Variants in ZMAT3 observed in about 807,000 individuals in gnomAD.
The protein encoded by ZMAT3 is zinc finger matrin-type protein 3.
In ZMAT3, 17 loss-of-function variants were observed where a neutral mutation model predicts 32.3. The ratio of observed to expected loss-of-function variants is 0.53; its 90% CI spans 0.36 to 0.79. The LOEUF (loss-of-function observed/expected upper bound fraction) is 0.79. Ranked by LOEUF, ZMAT3 falls within the 30% of genes least tolerant of loss-of-function variation. ZMAT3 has a pLI of 0.00. For synonymous variants in ZMAT3, 120 were observed against 133.1 expected, an observed-to-expected ratio of 0.90 and a Z score of 0.68; for missense variants, 329 against 359.7, an observed-to-expected ratio of 0.91 and a Z score of 0.69.
intron 2 of ZMAT3, among the ~76,000 whole-genome samples, chr3:179,062,596 A>G (rs1721205341): frequency 6.6e-6 from 1 of 152,234 alleles, no homozygotes; most frequent in African/African-American, 2.4e-5. Flanking sequence ...AAGAGCTAGA[A>G]AAGCCTACAG....
rs1718457278 is a variant in ZMAT3 at position 179,019,867 on chromosome 3, A to AT, written c.*5149dup. 6.6e-6 allele frequency: 1 copy of AT among 152,176 alleles called. No homozygotes were observed. The highest frequency in any genetic ancestry group is 1.5e-5 in the Non-Finnish European group (1 of 68,018). 9.4% of individuals were successfully genotyped at this position (152,176 alleles called of 1,614,324 possible). On this transcript the variant is annotated 3_prime_UTR_variant, in exon 6 of 6. Transcript: ENST00000311417. ...GACAAGTTTGAAAATGACCACTAGA[A>AT]TAAAGAATTTTTCCAAACATCAGTG...
At chr3:179,041,798 GT>G (rs201275449) in intron 2 of ZMAT3, among the ~76,000 whole-genome samples, 31 of 151,844 alleles carry the variant, frequency 2.0e-4, no homozygotes, top group African/African-American at 7.2e-4. Flanking sequence ...TCCAGGAGCT[GT>G]TTTTTTTAAA....
Position 179,017,357 on chromosome 3 carries a change from A to G in ZMAT3, c.*7660T>C, listed in dbSNP as rs1176828362. On this transcript the variant is annotated 3_prime_UTR_variant, in exon 6 of 6. Coordinates refer to ENST00000311417, the MANE Select transcript of ZMAT3 (RefSeq NM_022470.4). ...AAAATGAGCCATCAACAAAAGCAGT[A>G]TAAATTTTAAATAAGTTTCAGATTT... 1 of 152,194 alleles carries G rather than the reference A, an allele frequency of 6.6e-6. No individual in the cohort carries two copies. The highest frequency in any genetic ancestry group is 1.5e-5 in the Non-Finnish European group (1 of 68,032). The allele number at this position is 152,194 out of a possible 1,614,324, so 9.4% of individuals were successfully genotyped here. A position where few individuals can be genotyped will look rare whatever the true frequency, so the allele number is the denominator to read the frequency against.
At chr3:179,056,404 G>C (rs1241560657) in intron 2 of ZMAT3, among the ~76,000 whole-genome samples, 1 of 152,054 alleles carries the variant, frequency 6.6e-6, no homozygotes, top group Non-Finnish European at 1.5e-5. Flanking sequence ...GGAAAAGCTG[G>C]GCAAATCAAA....
At chr3:179,049,449 C>A (rs932576839) in intron 2 of ZMAT3, among the ~76,000 whole-genome samples, 1 of 152,026 alleles carries the variant, frequency 6.6e-6, no homozygotes, top group Non-Finnish European at 1.5e-5. Context: ...TTAAGAAAAT[C>A]GAACTTATAG....
At chr3:179,069,366 G>A (rs995939873) in intron 1 of ZMAT3, among the ~76,000 whole-genome samples, 1 of 151,830 alleles carries the variant, frequency 6.6e-6, no homozygotes, top group Non-Finnish European at 1.5e-5. Flanking sequence ...GTCTAACCCT[G>A]AGTGTCTCAA....
intron 2 of ZMAT3, among the ~76,000 whole-genome samples, chr3:179,039,231 C>G (rs1186656779): frequency 6.6e-6 from 1 of 152,198 alleles, no homozygotes; most frequent in African/African-American, 2.4e-5. Flanking sequence ...GGTGTTTGAG[C>G]TCTGAGAATG....
Position 179,023,844 on chromosome 3 carries a change from C to T in ZMAT3, c.*1173G>A, listed in dbSNP as rs1718700895. 6.9e-6 allele frequency: 1 copy of T among 145,862 alleles called. No individual in the cohort carries two copies. 9.0% of individuals were successfully genotyped at this position (145,862 alleles called of 1,614,324 possible). On this transcript the variant is annotated 3_prime_UTR_variant, in exon 6 of 6. Coordinates refer to ENST00000311417, the MANE Select transcript of ZMAT3 (RefSeq NM_022470.4). The stretch of plus-strand genomic sequence containing the variant: ...CACGCCATTCTCCTGCCTCAGCCTC[C>T]AGAGTAGCTGGGACTACAGGCACCC...
chr3:179,025,215 GAAGT>G lies in ZMAT3; in HGVS notation c.668_671del (p.Tyr223SerfsTer42). 1.2e-6 allele frequency: 2 copies of G among 1,613,692 alleles called. No homozygotes were observed. The highest frequency in any genetic ancestry group is 1.7e-6 in the Non-Finnish European group (2 of 1,179,736). ...GAATTCTCTGCCGAGAGCGGGGATT[GAAGT>G]AAGGACCTGCTAAAGCAAGAGATAA... On this transcript the variant is annotated frameshift_variant, in exon 6 of 6. Coordinates refer to ENST00000311417, the MANE Select transcript of ZMAT3 (RefSeq NM_022470.4). LOFTEE classifies it high-confidence loss of function.
Position 179,046,589 on chromosome 3 carries a change from G to C in ZMAT3, c.271-15590C>G, listed in dbSNP as rs1720251190. 6.6e-6 allele frequency among the ~76,000 whole-genome samples: 1 copy of C among 152,186 alleles called. No individual in the cohort carries two copies. Among genetic ancestry groups the C allele is most frequent in the African/African-American group, 2.4e-5 (1 of 41,442 alleles). On this transcript the variant is annotated intron_variant, in intron 2 of 5. Transcript: ENST00000311417. This position sits in a 1 kb window ranked among gnomAD's most constrained non-coding sequence, Gnocchi z 4.3. ...AGTCGGCCTGCTTTCTCAGCTGGGA[G>C]GCTTGTGGTCTGGGGCAAGTTCTCA...
intron 2 of ZMAT3, 95 bp from the exon 3 acceptor site, chr3:179,031,094 A>G: frequency 8.8e-7 from 1 of 1,132,402 alleles, no homozygotes; most frequent in Non-Finnish European, 1.2e-6. Context: ...CAAAAATATT[A>G]AGATATTTTG....
chr3:179,032,284 A>G (rs61798179), intron 2 of ZMAT3, among the ~76,000 whole-genome samples: 123,419 of 151,490 alleles, frequency 0.81, 50,671 homozygotes, highest in East Asian at 0.94. Flanking sequence ...GATTGCAGAC[A>G]GAGTCTCGCT....
intron 2 of ZMAT3, among the ~76,000 whole-genome samples, chr3:179,031,923 AACTCTC>A (rs1719223962): frequency 2.2e-4 from 2 of 9,226 alleles, no homozygotes; most frequent in Non-Finnish European, 3.4e-4. Context: ...AAAAAAAAAA[AACTCTC>A]CCTCTCCCTC....
Position 179,021,208 on chromosome 3 carries a change from C to T in ZMAT3, c.*3809G>A, listed in dbSNP as rs1176938702. 1 of 152,164 alleles carries T rather than the reference C, an allele frequency of 6.6e-6. No homozygotes were observed. The highest frequency in any genetic ancestry group is 1.5e-5 in the Non-Finnish European group (1 of 68,028). 9.4% of individuals were successfully genotyped at this position (152,164 alleles called of 1,614,324 possible). ...GGCAGACAAACATAAACAACATGCA[C>T]ATATTTACAAGTTGCAGGACATGAT... On this transcript the variant is annotated 3_prime_UTR_variant, in exon 6 of 6. Coordinates refer to ENST00000311417, the MANE Select transcript of ZMAT3 (RefSeq NM_022470.4).
intron 2 of ZMAT3, among the ~76,000 whole-genome samples, chr3:179,037,831 T>C (rs1452763638): frequency 2.0e-5 from 3 of 152,208 alleles, no homozygotes; most frequent in Non-Finnish European, 4.4e-5. Context: ...CTGACTACCC[T>C]CTATGTTCTG....
At chr3:179,067,095 G>C (rs543445120) in intron 2 of ZMAT3, among the ~76,000 whole-genome samples, 1 of 152,322 alleles carries the variant, frequency 6.6e-6, no homozygotes, top group South Asian at 2.1e-4. Flanking sequence ...ACACTGAATT[G>C]AGTTCGGTAC....
At chr3:179,044,437 GA>G (rs1262574830) in intron 2 of ZMAT3, among the ~76,000 whole-genome samples, 1 of 152,144 alleles carries the variant, frequency 6.6e-6, no homozygotes, top group Non-Finnish European at 1.5e-5. Context: ...AAGGTCAGGA[GA>G]TTGAGAACAT....
intron 1 of ZMAT3, among the ~76,000 whole-genome samples, chr3:179,068,733 T>C (rs779250869): frequency 2.6e-5 from 4 of 152,226 alleles, no homozygotes; most frequent in Admixed American, 6.5e-5. Context: ...GTTGAGCAAA[T>C]GTATAGCAGA....
At position 179,021,448 on chromosome 3, in the gene ZMAT3, GATTT is replaced by G. The variant is rs1211620820; in HGVS notation, c.*3565_*3568del. ...ATTCTAATTGTCATCTTCTAACGTT[GATTT>G]TTTATGACAACTTACACAAAGATAT... is the stretch of plus-strand genomic sequence containing the variant. On this transcript the variant is annotated 3_prime_UTR_variant, in exon 6 of 6. Transcript: ENST00000311417. 2.0e-5 allele frequency: 3 copies of G among 152,116 alleles called. No individual in the cohort carries two copies. Among genetic ancestry groups the G allele is most frequent in the African/African-American group, 7.2e-5 (3 of 41,440 alleles). The allele number at this position is 152,116 out of a possible 1,614,324, so 9.4% of individuals were successfully genotyped here.
Sources: gnomAD v4.1 joint callset for allele counts (sites outside exome capture counted in the v4.1 genomes callset) on GRCh38, gnomAD v4.1.1 for gene constraint, Gnocchi (gnomAD v3.1) non-coding constraint, MANE v1.5 for transcripts, NCBI Gene and HGNC (gene_info 2026-07-23, HGNC 2026-07-21) for gene names.